Variants in DOCK3 observed in about 807,000 individuals in gnomAD.
The protein encoded by DOCK3 is dedicator of cytokinesis protein 3.
DOCK3 carries 60 observed loss-of-function variants against 265.6 expected under a neutral mutation model. The ratio of observed to expected loss-of-function variants is 0.23; its 90% CI spans 0.18 to 0.28. DOCK3 has a LOEUF of 0.28. Ranked by LOEUF, DOCK3 falls within the 10% of genes least tolerant of loss-of-function variation. DOCK3 has a pLI of 1.00. For synonymous variants in DOCK3, 881 were observed against 938.0 expected, an observed-to-expected ratio of 0.94 and a Z score of 1.11; for missense variants, 1,981 against 2,594.3, an observed-to-expected ratio of 0.76 and a Z score of 5.14.
At chr3:50,963,007 C>A (rs374689351) in intron 5 of DOCK3, among the ~76,000 whole-genome samples, 1 of 151,970 alleles carries the variant, frequency 6.6e-6, no homozygotes, top group Non-Finnish European at 1.5e-5. Context: ...GCCAAGATGG[C>A]GAAACCCTGT....
intron 1 of DOCK3, among the ~76,000 whole-genome samples, chr3:50,676,360 G>A (rs1370030755): frequency 6.6e-6 from 1 of 152,176 alleles, no homozygotes; most frequent in East Asian, 1.9e-4. Context: ...CCAGCAGAGA[G>A]GTCTTCTATT....
At chr3:50,879,314 A>G (rs1007819924) in intron 3 of DOCK3, among the ~76,000 whole-genome samples, 2 of 152,234 alleles carry the variant, frequency 1.3e-5, no homozygotes, top group African/African-American at 2.4e-5. Context: ...AACTGCTCCA[A>G]TTGAAAGACA....
chr3:50,866,092 G>A (rs1032689759), intron 3 of DOCK3, among the ~76,000 whole-genome samples: 2 of 151,982 alleles, frequency 1.3e-5, no homozygotes, highest in Non-Finnish European at 1.5e-5. Context: ...TGTTCATTTC[G>A]TTGATTGTTT....
At chr3:51,272,550 G>A (rs150468099) in intron 24 of DOCK3, among the ~76,000 whole-genome samples, 96 of 150,676 alleles carry the variant, frequency 6.4e-4, no homozygotes, top group African/African-American at 2.2e-3. Context: ...GCCTCCCAAA[G>A]TGCTGGGATT....
chr3:50,734,909 G>C (rs1362259627), intron 1 of DOCK3, among the ~76,000 whole-genome samples: 1 of 152,038 alleles, frequency 6.6e-6, no homozygotes, highest in African/African-American at 2.4e-5. Context: ...AGCCTGCAGT[G>C]AGTTTTATAC....
chr3:50,897,169 T>G (rs140184249), intron 4 of DOCK3, among the ~76,000 whole-genome samples: 1,737 of 152,240 alleles, frequency 0.011, 35 homozygotes, highest in Non-Finnish European at 0.013. Flanking sequence ...CTTGAGCAGT[T>G]GTTTGTAGTT....
chr3:50,856,476 T>C (rs2046602832), intron 3 of DOCK3, among the ~76,000 whole-genome samples: 1 of 152,116 alleles, frequency 6.6e-6, no homozygotes, highest in Non-Finnish European at 1.5e-5. Context: ...GTTGGCCACA[T>C]GTATGTCTTC....
At chr3:50,711,197 AT>A (rs1462922155) in intron 1 of DOCK3, among the ~76,000 whole-genome samples, 1 of 150,482 alleles carries the variant, frequency 6.6e-6, no homozygotes, top group Non-Finnish European at 1.5e-5. Context: ...ACATTAATTG[AT>A]TTTCATATGT....
intron 1 of DOCK3, among the ~76,000 whole-genome samples, chr3:50,711,172 T>C (rs1260781879): frequency 1.3e-5 from 2 of 152,184 alleles, no homozygotes; most frequent in African/African-American, 4.8e-5. Context: ...TTGTCCTTTA[T>C]TAGTATTACA....
rs778572873 is a variant in DOCK3 at position 51,275,139 on chromosome 3, A to G, written c.2609A>G (p.Gln870Arg). 6.2e-7 allele frequency: 1 copy of G among 1,614,016 alleles called. No individual in the cohort carries two copies. The highest frequency in any genetic ancestry group is 1.1e-5 in the South Asian group (1 of 91,080). The change falls in exon 25 of 53, where the codon CAG becomes CGG. Residue 870 changes from glutamine (Q) to arginine (R), a missense_variant. Physicochemically the swap from Gln to Arg is conservative, Grantham distance 43. This residue lies in a region of DOCK3 where 1,357 missense variants were observed against 1,866.8 expected (regional missense o/e 0.73). Coordinates refer to ENST00000266037, the MANE Select transcript of DOCK3 (RefSeq NM_004947.5). Reference sequence around the variant, plus strand: ...CACATTCACCTTCACCTGAGGCAGCAGAAAGAGCTGCTAATTTGCTCAGGG... The same window carrying G: ...CACATTCACCTTCACCTGAGGCAGCGGAAAGAGCTGCTAATTTGCTCAGGG... ...LHHIHLHLRQ[Q>R]KELLICSGIL...
intron 5 of DOCK3, among the ~76,000 whole-genome samples, chr3:50,955,482 C>T (rs1174657911): frequency 1.3e-5 from 2 of 152,150 alleles, no homozygotes; most frequent in Non-Finnish European, 2.9e-5. Context: ...GGTACATATA[C>T]ACCATGAATA....
intron 50 of DOCK3, among the ~76,000 whole-genome samples, chr3:51,375,039 G>C (rs2087990036): frequency 6.6e-6 from 1 of 152,212 alleles, no homozygotes. Context: ...CTCACTACCT[G>C]CTGGGGCTGT....
At chr3:50,983,038 G>A (rs1339175991) in intron 5 of DOCK3, among the ~76,000 whole-genome samples, 1 of 152,208 alleles carries the variant, frequency 6.6e-6, no homozygotes, top group African/African-American at 2.4e-5. Context: ...AGATCTTGGA[G>A]CAGGGTTCGG....
intron 4 of DOCK3, 149 bp downstream of exon 4, chr3:50,890,230 T>C (rs1456072480): frequency 1.8e-6 from 1 of 561,924 alleles, no homozygotes; most frequent in Admixed American, 4.3e-5. Flanking sequence ...TTTGAGGGAA[T>C]AATGTTTTCT....
chr3:51,008,876 CAT>C (rs2078806200), intron 5 of DOCK3, among the ~76,000 whole-genome samples: 1 of 152,094 alleles, frequency 6.6e-6, no homozygotes, highest in African/African-American at 2.4e-5. Context: ...TTGAGATAAT[CAT>C]GTGGTTTTTG....
rs75324218 is a variant in DOCK3 at position 51,216,905 on chromosome 3, G to C, written c.1252+2658G>C. ...CATCATCTGTGAGAGTGTTTTACTT[G>C]AATTGTAGCAGTCCCTCAGCTCTCA... On this transcript the variant is annotated intron_variant, in intron 14 of 52. Transcript: ENST00000266037. Among the ~76,000 whole-genome samples, 120 of 152,236 alleles carry C rather than the reference G, an allele frequency of 7.9e-4. 1 individual carries two copies. The East Asian group carries it at 0.023, about 29-fold the overall frequency.
intron 10 of DOCK3, among the ~76,000 whole-genome samples, chr3:51,154,870 A>G (rs1180644957): frequency 2.0e-5 from 3 of 152,232 alleles, no homozygotes; most frequent in African/African-American, 7.2e-5. Flanking sequence ...TGCACATAAC[A>G]TGCATGATGT....
intron 19 of DOCK3, among the ~76,000 whole-genome samples, chr3:51,230,159 G>A (rs1316614070): frequency 6.6e-6 from 1 of 152,142 alleles, no homozygotes; most frequent in Non-Finnish European, 1.5e-5. Context: ...GTGGGTACAT[G>A]TGCAGGTTTG....
At chr3:51,250,813 A>T (rs907375460) in intron 22 of DOCK3, among the ~76,000 whole-genome samples, 3 of 152,192 alleles carry the variant, frequency 2.0e-5, no homozygotes, top group African/African-American at 7.2e-5. Flanking sequence ...GAAACAGAAT[A>T]TTTAAAAGCC....
Sources: gnomAD v4.1 joint callset for allele counts (sites outside exome capture counted in the v4.1 genomes callset) on GRCh38, gnomAD v4.1.1 for gene constraint, gnomAD v4.1.1 regional missense constraint, MANE v1.5 for transcripts, NCBI Gene and HGNC (gene_info 2026-07-23, HGNC 2026-07-21) for gene names.